NRROS: variants seen among roughly 807,000 people sequenced by gnomAD.
NRROS encodes transforming growth factor beta activator LRRC33.
A neutral mutation model predicts 12.0 loss-of-function variants in NRROS; 6 were observed. The ratio of observed to expected loss-of-function variants is 0.50; its 90% CI spans 0.27 to 0.98. The LOEUF (loss-of-function observed/expected upper bound fraction) is 0.98, where lower values mean the gene tolerates loss of function less well. Among genes scored for constraint, NRROS ranks in the 50% least tolerant of loss-of-function variants. The probability of loss-of-function intolerance (pLI) is 0.11; values close to 1 mark genes in which losing one functional copy is unlikely to be tolerated. For missense variants in NRROS, 857 were observed against 888.2 expected (o/e 0.96, Z 0.45); for synonymous variants, 462 against 410.2 (o/e 1.13, Z -1.53).
Position 196,661,251 on chromosome 3 carries a change from G to A in NRROS, c.1608G>A (p.Gly536=), listed in dbSNP as rs1263288566. ...SFMALDFSGF[G]NLRDLDLSGN... Reference sequence around the variant, plus strand: ...TGGCGTTGGACTTCTCTGGGTTTGGGAATCTCAGGGACTTAGATCTGTCGG... The same window carrying A: ...TGGCGTTGGACTTCTCTGGGTTTGGAAATCTCAGGGACTTAGATCTGTCGG... The change falls in exon 3 of 3, where the codon GGG becomes GGA. Residue 536 remains glycine, a synonymous_variant. Transcript: ENST00000328557. 2 of 1,613,856 alleles carry A rather than the reference G, an allele frequency of 1.2e-6. No individual in the cohort carries two copies. The highest frequency in any genetic ancestry group is 1.7e-5 in the Admixed American group (1 of 59,964).
intron 1 of NRROS, among the ~76,000 whole-genome samples, chr3:196,653,477 G>C (rs1477731806): frequency 6.6e-6 from 1 of 152,246 alleles, no homozygotes; most frequent in African/African-American, 2.4e-5. Flanking sequence ...AGATGGGAGG[G>C]CAGACACTGG....
chr3:196,654,665 C>T lies in NRROS; in HGVS notation c.108+18C>T. On this transcript the variant is annotated intron_variant, in intron 2 of 2. Transcript: ENST00000328557. This position sits in a 1 kb window ranked among gnomAD's most constrained non-coding sequence, Gnocchi z 4.4. Reference sequence around the variant, plus strand: ...GCAAGTTGGTGAGTTTCCCTTGAACCCTGATCTGTCGGCTGCTCCTGTCCT... The same window carrying T: ...GCAAGTTGGTGAGTTTCCCTTGAACTCTGATCTGTCGGCTGCTCCTGTCCT... The T allele has an allele frequency of 6.7e-7, 1 of 1,489,586 alleles. No homozygotes were observed. Among genetic ancestry groups the T allele is most frequent in the Middle Eastern group, 1.7e-4 (1 of 5,802 alleles). The allele number at this position is 1,489,586 out of a possible 1,614,324, so 92.3% of individuals were successfully genotyped here.
chr3:196,659,687 G>C (rs1737618521), intron 2 of NRROS, 65 bp from the exon 3 acceptor site: 3 of 1,497,834 alleles, frequency 2.0e-6, no homozygotes, highest in African/African-American at 2.8e-5. Flanking sequence ...AGTGAACTAA[G>C]TTTCTATGCA....
intron 2 of NRROS, among the ~76,000 whole-genome samples, chr3:196,655,442 G>A (rs1737517325): frequency 6.6e-6 from 1 of 150,956 alleles, no homozygotes; most frequent in African/African-American, 2.4e-5. Context: ...AGCTGAAGGA[G>A]GAGAATCGCT....
rs2108643947 is a variant in NRROS at position 196,660,823 on chromosome 3, G to C, written c.1180G>C (p.Ala394Pro). The change falls in exon 3 of 3, where the codon GCT (alanine) becomes CCT (proline). Residue 394 changes from alanine to proline, a missense_variant. Transcript: ENST00000328557. The surrounding 1 kb of genome is among the most constrained non-coding windows in gnomAD (Gnocchi z 7.7). ...SHNQLSELHL[A>P]PGLASCLGSL... The stretch of plus-strand genomic sequence containing the variant: ...CAACCAGCTGTCGGAGCTGCACCTG[G>C]CTCCGGGGCTGGCCAGCTGCCTGGG... 6.2e-7 allele frequency: 1 copy of C among 1,613,618 alleles called. No individual in the cohort carries two copies. The highest frequency in any genetic ancestry group is 2.2e-5 in the East Asian group (1 of 44,878).
intron 1 of NRROS, among the ~76,000 whole-genome samples, chr3:196,644,800 G>T: frequency 6.8e-6 from 1 of 147,670 alleles, no homozygotes; most frequent in Non-Finnish European, 1.5e-5. Flanking sequence ...AAGAAAGAAA[G>T]AAAGGTGGCA....
chr3:196,660,608 TCTC>T lies in NRROS; in HGVS notation c.970_972del (p.Ser325del), dbSNP rs759055699. The stretch of plus-strand genomic sequence containing the variant: ...ACCACCGTCAGCCTCTGGGAAGAAT[TCTC>T]CTCCAGCGACCTCGCAGATCTCCGC... On this transcript the variant is annotated inframe_deletion, in exon 3 of 3. Coordinates refer to ENST00000328557, the MANE Select transcript of NRROS (RefSeq NM_198565.3). The surrounding 1 kb of genome is among the most constrained non-coding windows in gnomAD (Gnocchi z 7.7). 7 of 1,614,088 alleles carry T rather than the reference TCTC, an allele frequency of 4.3e-6. No individual in the cohort carries two copies. Among genetic ancestry groups the T allele is most frequent in the South Asian group, 1.1e-5 (1 of 91,080 alleles).
Position 196,661,069 on chromosome 3 carries a change from G to A in NRROS, c.1426G>A (p.Ala476Thr), listed in dbSNP as rs759649681. 2 of 1,614,142 alleles carry A rather than the reference G, an allele frequency of 1.2e-6. No individual in the cohort carries two copies. Among genetic ancestry groups the A allele is most frequent in the South Asian group, 1.1e-5 (1 of 91,086 alleles). Reference protein sequence around the residue: ...SLSLEGCGLGALPDCPFQGTS... With the variant: ...SLSLEGCGLGTLPDCPFQGTS... ...GTCTCTGGAGGGCTGTGGCCTGGGG[G>A]CATTGCCAGACTGCCCATTCCAAGG... The change falls in exon 3 of 3, where the codon GCA (alanine) becomes ACA (threonine). Residue 476 changes from alanine to threonine, a missense_variant. Ala to Thr is a moderately conservative substitution (Grantham distance 58). Transcript: ENST00000328557.
intron 2 of NRROS, among the ~76,000 whole-genome samples, chr3:196,656,932 G>A (rs11720519): frequency 0.18 from 26,957 of 151,958 alleles, 2,474 homozygotes; most frequent in African/African-American, 0.2. Flanking sequence ...GGCCAGGTGC[G>A]GTGGCTCCCG....
chr3:196,646,995 C>G (rs1160315731), intron 1 of NRROS, among the ~76,000 whole-genome samples: 12 of 152,214 alleles, frequency 7.9e-5, no homozygotes, highest in African/African-American at 2.9e-4. Flanking sequence ...TTATGAACGT[C>G]TTTCTGCGTC....
At chr3:196,652,516 ACT>A (rs1291526567) in intron 1 of NRROS, among the ~76,000 whole-genome samples, 3 of 151,948 alleles carry the variant, frequency 2.0e-5, no homozygotes, top group Non-Finnish European at 4.4e-5. Flanking sequence ...CAGAATTCAA[ACT>A]CTGGTCTGCT....
chr3:196,661,713 CG>C lies in NRROS; in HGVS notation c.2071del (p.Val691PhefsTer67), dbSNP rs1560057493. On this transcript the variant is annotated frameshift_variant, in exon 3 of 3. Transcript: ENST00000328557. LOFTEE classifies it high-confidence loss of function. ...VIKSRCHWSSVY is the reference protein window; with the variant it reads ...VIKSRCHWSSXY ...TCAAGAGCCGCTGCCACTGGTCCTC[CG>C]TTTACTGACCTGGCTGTGTGCCAAG... The C allele has an allele frequency of 3.8e-6, 6 of 1,588,646 alleles. No homozygotes were observed. The highest frequency in any genetic ancestry group is 1.3e-5 in the African/African-American group (1 of 74,842).
chr3:196,657,707 C>CAAA (rs11403911), intron 2 of NRROS, among the ~76,000 whole-genome samples: 7 of 123,172 alleles, frequency 5.7e-5, no homozygotes, highest in South Asian at 2.7e-4. Context: ...GACTCTGTCT[C>CAAA]AAAAAAAAAA....
At position 196,641,892 on chromosome 3, in the gene NRROS, A is replaced by G. The variant is rs1043268487; in HGVS notation, c.-14+2017A>G. On this transcript the variant is annotated intron_variant, in intron 1 of 2. Transcript: ENST00000328557. Reference sequence around the variant, plus strand: ...TGGACTTTCAACCACGACTGAAAACACTGTCTTTCTTAGGACATGCTGTGT... The same window carrying G: ...TGGACTTTCAACCACGACTGAAAACGCTGTCTTTCTTAGGACATGCTGTGT... 3.3e-5 allele frequency among the ~76,000 whole-genome samples: 5 copies of G among 152,180 alleles called. No individual in the cohort carries two copies. The East Asian group carries it at 5.8e-4, about 18-fold the overall frequency.
chr3:196,657,662 G>T (rs573062977), intron 2 of NRROS, among the ~76,000 whole-genome samples: 193 of 150,474 alleles, frequency 1.3e-3, no homozygotes, highest in African/African-American at 4.5e-3. Flanking sequence ...AGCAGAGATG[G>T]CGCCATTGCA....
intron 1 of NRROS, among the ~76,000 whole-genome samples, chr3:196,653,486 G>C (rs1046416377): frequency 9.2e-5 from 14 of 152,260 alleles, no homozygotes; most frequent in South Asian, 4.1e-4. Flanking sequence ...GGCAGACACT[G>C]GGCCTCCGGT....
rs1034412506 is a variant in NRROS at position 196,654,841 on chromosome 3, C to A, written c.108+194C>A. 3.6e-6 allele frequency: 2 copies of A among 562,360 alleles called. No homozygotes were observed. Among genetic ancestry groups the A allele is most frequent in the East Asian group, 6.1e-5 (2 of 32,758 alleles). The allele number at this position is 562,360 out of a possible 1,614,324, so 34.8% of individuals were successfully genotyped here. A position where few individuals can be genotyped will look rare whatever the true frequency, so the allele number is the denominator to read the frequency against. On this transcript the variant is annotated intron_variant, in intron 2 of 2. Transcript: ENST00000328557. The surrounding 1 kb of genome is among the most constrained non-coding windows in gnomAD (Gnocchi z 4.4). Reference sequence around the variant, plus strand: ...ATTTTAAGATGCTTCCTGGGAAGAGCCAGGCAGTCCCTGCCCCGCCGTTCT... The same window carrying A: ...ATTTTAAGATGCTTCCTGGGAAGAGACAGGCAGTCCCTGCCCCGCCGTTCT...
intron 1 of NRROS, among the ~76,000 whole-genome samples, chr3:196,652,293 C>CA (rs1262993836): frequency 6.6e-6 from 1 of 152,184 alleles, no homozygotes; most frequent in Non-Finnish European, 1.5e-5. Flanking sequence ...AACCAGCACT[C>CA]AGTCAACTCA....
At chr3:196,643,832 T>C (rs1737254053) in intron 1 of NRROS, among the ~76,000 whole-genome samples, 1 of 152,186 alleles carries the variant, frequency 6.6e-6, no homozygotes, top group South Asian at 2.1e-4. Context: ...TCTGTGGTCC[T>C]CAGGCACCAA....
Sources: allele counts gnomAD v4.1 joint callset (sites outside exome capture counted in the v4.1 genomes callset), GRCh38; gene constraint gnomAD v4.1.1; non-coding constraint Gnocchi (gnomAD v3.1); transcripts MANE v1.5; gene names NCBI Gene and HGNC (gene_info 2026-07-23, HGNC 2026-07-21).